ADAT2: variants seen among roughly 807,000 people sequenced by gnomAD.
ADAT2 encodes tRNA-specific adenosine-34 deaminase catalytic subunit ADAT2.
In ADAT2, 26 loss-of-function variants were observed where a neutral mutation model predicts 25.9. That is an observed-to-expected ratio of 1.00 (90% CI 0.74 to 1.39). The LOEUF (loss-of-function observed/expected upper bound fraction) is 1.39, where lower values mean the gene tolerates loss of function less well. Ranked by LOEUF, ADAT2 falls within the 40% of genes most tolerant of loss-of-function variation. The pLI, the probability that ADAT2 is intolerant of heterozygous loss-of-function variation, is 0.00. For missense variants in ADAT2, 220 were observed against 244.8 expected, an observed-to-expected ratio of 0.90 and a Z score of 0.68; for synonymous variants, 76 against 86.8, an observed-to-expected ratio of 0.88 and a Z score of 0.69.
In ADAT2 at chr6:143,424,010, A is replaced by C. The variant is rs1345643671; in HGVS notation, c.*4453T>G. On this transcript the variant is annotated 3_prime_UTR_variant, in exon 6 of 6. Transcript: ENST00000237283. This position sits in a 1 kb window ranked among gnomAD's most constrained non-coding sequence, Gnocchi z 4.8. Reference sequence around the variant, plus strand: ...TAATAGTCATGGATATGTGGTGTTCAACCCAATATCCACTTAGAAATCAGG... The same window carrying C: ...TAATAGTCATGGATATGTGGTGTTCCACCCAATATCCACTTAGAAATCAGG... 1 of 152,206 alleles carries C rather than the reference A, an allele frequency of 6.6e-6. No individual in the cohort carries two copies. The highest frequency in any genetic ancestry group is 1.5e-5 in the Non-Finnish European group (1 of 68,032). The allele number at this position is 152,206 out of a possible 1,614,324, so 9.4% of individuals were successfully genotyped here.
At position 143,440,817 on chromosome 6, in the gene ADAT2, A is replaced by G. The variant is rs1442908444; in HGVS notation, c.97-2123T>C. 1.3e-5 allele frequency among the ~76,000 whole-genome samples: 2 copies of G among 152,222 alleles called. No individual in the cohort carries two copies. Among genetic ancestry groups the G allele is most frequent in the African/African-American group, 2.4e-5 (1 of 41,464 alleles). ...TATACTAAGAATTTTATTTAAGGTA[A>G]GTGTAGAATTACACAGAGATCAAGG... On this transcript the variant is annotated intron_variant, in intron 1 of 5. Coordinates refer to ENST00000237283, the MANE Select transcript of ADAT2 (RefSeq NM_182503.3). This position sits in a 1 kb window ranked among gnomAD's most constrained non-coding sequence, Gnocchi z 4.5.
chr6:143,432,235 GT>G lies in ADAT2; in HGVS notation c.459+269del, dbSNP rs1185892168. ...AGTGTCTTCAGGCATACCTAACGGT[GT>G]TGGTGAAGAGTGTTCGGAGTCAGCT... On this transcript the variant is annotated intron_variant, in intron 4 of 5. Coordinates refer to ENST00000237283, the MANE Select transcript of ADAT2 (RefSeq NM_182503.3). The surrounding 1 kb of genome is among the most constrained non-coding windows in gnomAD (Gnocchi z 4.4). Among the ~76,000 whole-genome samples, 1 of 138,594 alleles carries G rather than the reference GT, an allele frequency of 7.2e-6. No homozygotes were observed. Among genetic ancestry groups the G allele is most frequent in the Non-Finnish European group, 1.6e-5 (1 of 61,758 alleles). The allele number at this position is 138,594 out of a possible 152,430, so 90.9% of individuals were successfully genotyped here. A position where few individuals can be genotyped will look rare whatever the true frequency, so the allele number is the denominator to read the frequency against.
At position 143,432,270 on chromosome 6, in the gene ADAT2, T is replaced by G. The variant is rs1215219560; in HGVS notation, c.459+235A>C. ...AGTGTTCGGAGTCAGCTGCGAAGGG[T>G]GGACTCTCCTTCAGGAGGGAGTCTG... On this transcript the variant is annotated intron_variant, in intron 4 of 5. Coordinates refer to ENST00000237283, the MANE Select transcript of ADAT2 (RefSeq NM_182503.3). The surrounding 1 kb of genome is among the most constrained non-coding windows in gnomAD (Gnocchi z 4.4). Among the ~76,000 whole-genome samples, 5 of 152,050 alleles carry G rather than the reference T, an allele frequency of 3.3e-5. No homozygotes were observed.
rs1004206373 is a variant in ADAT2, at chr6:143,432,677, T to C, written c.353-66A>G. The C allele has an allele frequency of 6.7e-6, 10 of 1,498,808 alleles. No individual in the cohort carries two copies. In the African/African-American group the frequency reaches 1.4e-4, roughly 21 times the overall value. The allele number at this position is 1,498,808 out of a possible 1,614,324, so 92.8% of individuals were successfully genotyped here. A position where few individuals can be genotyped will look rare whatever the true frequency, so the allele number is the denominator to read the frequency against. On this transcript the variant is annotated intron_variant, in intron 3 of 5. Coordinates refer to ENST00000237283, the MANE Select transcript of ADAT2 (RefSeq NM_182503.3). The surrounding 1 kb of genome is among the most constrained non-coding windows in gnomAD (Gnocchi z 4.4). ...AGTATGTATCGTGACAAAATCAGAG[T>C]AGGTTTATACCAGCCATCCTGGAGA...
chr6:143,450,518 G>A (rs754043827), intron 1 of ADAT2, 45 bp downstream of exon 1: 1 of 1,599,862 alleles, frequency 6.3e-7, no homozygotes, highest in African/African-American at 1.3e-5. Context: ...GTTGAGGGCT[G>A]GAGAAAGGTC....
rs1779005865 is a variant in ADAT2 at position 143,428,515 on chromosome 6, A to G, written c.533-9T>C. 2 of 1,613,780 alleles carry G rather than the reference A, an allele frequency of 1.2e-6. No individual in the cohort carries two copies. The highest frequency in any genetic ancestry group is 1.7e-6 in the Non-Finnish European group (2 of 1,179,924). ...AACTTTCGATTTTGGTGCTGTGAAAAGAATAGAAAAGAAAAAGAAAATGAA... is the reference window on the plus strand; with the variant it reads ...AACTTTCGATTTTGGTGCTGTGAAAGGAATAGAAAAGAAAAAGAAAATGAA... On this transcript the variant is annotated splice_polypyrimidine_tract_variant and intron_variant, in intron 5 of 5. Coordinates refer to ENST00000237283, the MANE Select transcript of ADAT2 (RefSeq NM_182503.3). This position sits in a 1 kb window ranked among gnomAD's most constrained non-coding sequence, Gnocchi z 5.0.
rs1779554438 is a variant in ADAT2 at position 143,444,773 on chromosome 6, T to TC, written c.96+5789dup. 3.6e-6 allele frequency: 1 copy of TC among 280,926 alleles called. No individual in the cohort carries two copies. Among genetic ancestry groups the TC allele is most frequent in the Non-Finnish European group, 6.4e-6 (1 of 157,106 alleles). The allele number at this position is 280,926 out of a possible 1,614,324, so 17.4% of individuals were successfully genotyped here. ...CTCTATTTTGTCCTTGAATATAATT[T>TC]CTTTTTTTTCTCTAGTCAGGGCCTG... On this transcript the variant is annotated intron_variant, in intron 1 of 5. Transcript: ENST00000237283. This position sits in a 1 kb window ranked among gnomAD's most constrained non-coding sequence, Gnocchi z 4.3.
intron 2 of ADAT2, among the ~76,000 whole-genome samples, chr6:143,438,162 G>A (rs1276107282): frequency 2.0e-5 from 3 of 151,898 alleles, no homozygotes; most frequent in South Asian, 4.2e-4. Flanking sequence ...ATTATTTAAA[G>A]GTACTAAAAA....
At position 143,426,762 on chromosome 6, in the gene ADAT2, T is replaced by C. The variant is rs1456568465; in HGVS notation, c.*1701A>G. 2.0e-5 allele frequency: 3 copies of C among 152,190 alleles called. No homozygotes were observed. The highest frequency in any genetic ancestry group is 4.4e-5 in the Non-Finnish European group (3 of 68,036). 9.4% of individuals were successfully genotyped at this position (152,190 alleles called of 1,614,324 possible). ...CCCCAAATTTCAATCAGTAATTTCA[T>C]TTAGCAAATGTTTACCAAGAACCTA... On this transcript the variant is annotated 3_prime_UTR_variant, in exon 6 of 6. Transcript: ENST00000237283. The surrounding 1 kb of genome is among the most constrained non-coding windows in gnomAD (Gnocchi z 4.1).
intron 4 of ADAT2, among the ~76,000 whole-genome samples, chr6:143,429,463 T>TGA (rs1779046027): frequency 2.9e-5 from 4 of 138,710 alleles, no homozygotes; most frequent in Non-Finnish European, 6.5e-5. Flanking sequence ...GTAAGGAGTG[T>TGA]TATATGAAAT....
chr6:143,435,620 G>A (rs1015185410), intron 2 of ADAT2, among the ~76,000 whole-genome samples: 3 of 152,078 alleles, frequency 2.0e-5, no homozygotes, highest in Non-Finnish European at 2.9e-5. Flanking sequence ...ATTTGACCAC[G>A]ATTTAAAATA....
intron 1 of ADAT2, among the ~76,000 whole-genome samples, chr6:143,443,076 T>C (rs1050696755): frequency 6.6e-6 from 1 of 152,152 alleles, no homozygotes; most frequent in Non-Finnish European, 1.5e-5. Context: ...ATTTTATAAG[T>C]ATTAATTCAT....
In ADAT2 at chr6:143,437,921, A is replaced by G. The variant is rs1779339697; in HGVS notation, c.201+669T>C. 6.6e-6 allele frequency among the ~76,000 whole-genome samples: 1 copy of G among 152,216 alleles called. No individual in the cohort carries two copies. Among genetic ancestry groups the G allele is most frequent in the South Asian group, 2.1e-4 (1 of 4,834 alleles). ...ACTTATCATGACACACTATTGTGATACCATGTTTAAGAAGCATTGCCTTGA... is the reference window on the plus strand; with the variant it reads ...ACTTATCATGACACACTATTGTGATGCCATGTTTAAGAAGCATTGCCTTGA... On this transcript the variant is annotated intron_variant, in intron 2 of 5. Coordinates refer to ENST00000237283, the MANE Select transcript of ADAT2 (RefSeq NM_182503.3). The surrounding 1 kb of genome is among the most constrained non-coding windows in gnomAD (Gnocchi z 4.1).
Position 143,445,023 on chromosome 6 carries a change from A to G in ADAT2, c.96+5540T>C, listed in dbSNP as rs573620698. ...AACAAGTTAGCCAGAACTCTCAGGT[A>G]GAACATCATCCTGTCCAAAAGGCTA... On this transcript the variant is annotated intron_variant, in intron 1 of 5. Coordinates refer to ENST00000237283, the MANE Select transcript of ADAT2 (RefSeq NM_182503.3). The G allele has an allele frequency of 2.6e-5, 30 of 1,167,372 alleles. No homozygotes were observed. The African/African-American group carries it at 4.6e-4, about 18-fold the overall frequency. The allele number at this position is 1,167,372 out of a possible 1,614,324, so 72.3% of individuals were successfully genotyped here. A position where few individuals can be genotyped will look rare whatever the true frequency, so the allele number is the denominator to read the frequency against.
rs994378530 is a variant in ADAT2, at chr6:143,424,907, T to C, written c.*3556A>G. 7 of 152,186 alleles carry C rather than the reference T, an allele frequency of 4.6e-5. No homozygotes were observed. The highest frequency in any genetic ancestry group is 1.4e-4 in the African/African-American group (6 of 41,464). 9.4% of individuals were successfully genotyped at this position (152,186 alleles called of 1,614,324 possible). ...AGCTCCTCTTCCCACAGACTGCTTA[T>C]TCATTGCAACAGAGAAAAAAGGTAA... On this transcript the variant is annotated 3_prime_UTR_variant, in exon 6 of 6. Transcript: ENST00000237283. This position sits in a 1 kb window ranked among gnomAD's most constrained non-coding sequence, Gnocchi z 4.8.
At chr6:143,439,018 T>C (rs9321913) in intron 1 of ADAT2, among the ~76,000 whole-genome samples, 33,001 of 151,994 alleles carry the variant, frequency 0.22, 3,741 homozygotes, top group African/African-American at 0.23. Context: ...TTTTCAGAGA[T>C]AGAATACATA....
In ADAT2 at chr6:143,434,044, A is replaced by C; in HGVS notation, c.202-63T>G. On this transcript the variant is annotated intron_variant, in intron 2 of 5. Transcript: ENST00000237283. The surrounding 1 kb of genome is among the most constrained non-coding windows in gnomAD (Gnocchi z 4.5). ...TTCATGTGACTACTATTTTACAAAT[A>C]TACAAAAACTAAGTACAAAATATGC... 12 of 1,587,160 alleles carry C rather than the reference A, an allele frequency of 7.6e-6. No homozygotes were observed. Among genetic ancestry groups the C allele is most frequent in the Non-Finnish European group, 1.0e-5 (12 of 1,166,998 alleles).
chr6:143,435,157 TAAAA>T (rs1554278578), intron 2 of ADAT2, among the ~76,000 whole-genome samples: 1 of 122,072 alleles, frequency 8.2e-6, no homozygotes, highest in Non-Finnish European at 1.7e-5. Flanking sequence ...GTGGAGAGTT[TAAAA>T]AAAAAAAAAA....
In ADAT2 at chr6:143,436,239, C is replaced by T. The variant is rs981949963; in HGVS notation, c.202-2258G>A. On this transcript the variant is annotated intron_variant, in intron 2 of 5. Coordinates refer to ENST00000237283, the MANE Select transcript of ADAT2 (RefSeq NM_182503.3). The surrounding 1 kb of genome is among the most constrained non-coding windows in gnomAD (Gnocchi z 4.1). ...AGAAGGCCCTGACAGTGGCTGAACT[C>T]CCCCAGCAGATGTCTGATGCTAAGA... The T allele has an allele frequency of 9.7e-5, 21 of 216,828 alleles. No homozygotes were observed. Among genetic ancestry groups the T allele is most frequent in the African/African-American group, 3.9e-4 (17 of 43,308 alleles). The allele number at this position is 216,828 out of a possible 1,614,324, so 13.4% of individuals were successfully genotyped here.
Sources: allele counts gnomAD v4.1 joint callset (sites outside exome capture counted in the v4.1 genomes callset), GRCh38; gene constraint gnomAD v4.1.1; non-coding constraint Gnocchi (gnomAD v3.1); transcripts MANE v1.5; gene names NCBI Gene and HGNC (gene_info 2026-07-23, HGNC 2026-07-21).